Variants in RNF220 observed in about 807,000 individuals in gnomAD.
RNF220 encodes the protein ring finger protein 220, also known as E3 ubiquitin-protein ligase RNF220.
In RNF220, 7 loss-of-function variants were observed where a neutral mutation model predicts 67.1. That is an observed-to-expected ratio of 0.10 (90% CI 0.06 to 0.20). The LOEUF (loss-of-function observed/expected upper bound fraction) is 0.20. Ranked by LOEUF, RNF220 falls within the 10% of genes least tolerant of loss-of-function variation. The pLI, the probability that RNF220 is intolerant of heterozygous loss-of-function variation, is 1.00. For missense variants in RNF220, 565 were observed against 740.3 expected (o/e 0.76, Z 2.75); for synonymous variants, 270 against 283.2 (o/e 0.95, Z 0.47).
intron 2 of RNF220, among the ~76,000 whole-genome samples, chr1:44,499,704 G>A (rs79004982): frequency 0.03 from 4,501 of 148,800 alleles, 113 homozygotes; most frequent in Admixed American, 0.073. Flanking sequence ...TATATCTCTA[G>A]CCTAGACCTC....
At chr1:44,409,280 C>A (rs1052080310) in intron 1 of RNF220, among the ~76,000 whole-genome samples, 3 of 152,202 alleles carry the variant, frequency 2.0e-5, no homozygotes, top group African/African-American at 7.2e-5. Context: ...TTTGTTGGTC[C>A]CTCCGTCCAA....
chr1:44,549,504 A>G (rs1249836803), intron 2 of RNF220, among the ~76,000 whole-genome samples: 1 of 152,190 alleles, frequency 6.6e-6, no homozygotes, highest in Non-Finnish European at 1.5e-5. Context: ...TGTTTCCAAC[A>G]GTAAGAGGTG....
At chr1:44,534,824 G>A (rs562858391) in intron 2 of RNF220, among the ~76,000 whole-genome samples, 3 of 152,280 alleles carry the variant, frequency 2.0e-5, no homozygotes, top group South Asian at 2.1e-4. Context: ...AAATCATTAC[G>A]TCTCTAGTCA....
intron 2 of RNF220, among the ~76,000 whole-genome samples, chr1:44,597,659 G>A (rs181909210): frequency 7.9e-5 from 12 of 151,792 alleles, no homozygotes; most frequent in African/African-American, 1.9e-4. Context: ...CGTTTCTCAC[G>A]AATGTCTCCC....
intron 5 of RNF220, among the ~76,000 whole-genome samples, chr1:44,628,654 C>CTGTCCA (rs1342603465): frequency 1.3e-5 from 2 of 152,242 alleles, no homozygotes; most frequent in Non-Finnish European, 2.9e-5. Context: ...ATTCCAAATA[C>CTGTCCA]TGTCCATGAA....
rs1313934788 is a variant in RNF220, at chr1:44,405,256, T to C, written c.-392T>C. ...GAGTCCCTGGGAGAGTGGAGGCTCA[T>C]TCACTGATTAGATCCAGCGCTGAGA... On this transcript the variant is annotated 5_prime_UTR_variant, in exon 1 of 15. Transcript: ENST00000361799. 1 of 383,158 alleles carries C rather than the reference T, an allele frequency of 2.6e-6. No individual in the cohort carries two copies. The highest frequency in any genetic ancestry group is 4.7e-6 in the Non-Finnish European group (1 of 213,940). The allele number at this position is 383,158 out of a possible 1,614,324, so 23.7% of individuals were successfully genotyped here.
At chr1:44,425,186 G>A (rs1351141267) in intron 2 of RNF220, among the ~76,000 whole-genome samples, 1 of 152,136 alleles carries the variant, frequency 6.6e-6, no homozygotes, top group East Asian at 1.9e-4. Flanking sequence ...GGGGTTTTGG[G>A]TACCTGCACA....
chr1:44,540,873 T>C (rs903520646), intron 2 of RNF220, among the ~76,000 whole-genome samples: 1 of 152,116 alleles, frequency 6.6e-6, no homozygotes, highest in Non-Finnish European at 1.5e-5. Flanking sequence ...CAGGTCTCCC[T>C]GGTGTGCAGG....
chr1:44,546,679 G>A (rs759872327), intron 2 of RNF220, among the ~76,000 whole-genome samples: 9 of 152,070 alleles, frequency 5.9e-5, no homozygotes, highest in Non-Finnish European at 1.2e-4. Flanking sequence ...TTGATGCACC[G>A]AGCTCTGGCT....
At chr1:44,415,504 T>TATACAC (rs1553211733) in intron 2 of RNF220, among the ~76,000 whole-genome samples, 21 of 150,962 alleles carry the variant, frequency 1.4e-4, no homozygotes, top group African/African-American at 3.6e-4. Context: ...ATGGTTGATA[T>TATACAC]ACACACACAC....
chr1:44,476,688 T>A (rs1475941245), intron 2 of RNF220, among the ~76,000 whole-genome samples: 1 of 152,184 alleles, frequency 6.6e-6, no homozygotes, highest in African/African-American at 2.4e-5. Context: ...AGGCAGATGT[T>A]AGAGTCACTG....
At chr1:44,535,251 C>T (rs952857845) in intron 2 of RNF220, among the ~76,000 whole-genome samples, 6 of 151,432 alleles carry the variant, frequency 4.0e-5, no homozygotes, top group African/African-American at 1.2e-4. Flanking sequence ...AGCGATTCTC[C>T]TGTCTCACCC....
chr1:44,549,952 C>T (rs1229392903), intron 2 of RNF220, among the ~76,000 whole-genome samples: 3 of 152,188 alleles, frequency 2.0e-5, no homozygotes, highest in African/African-American at 7.2e-5. Flanking sequence ...TGTCCTGTCT[C>T]CAAAAAGTGA....
chr1:44,464,519 C>G (rs1252729589), intron 2 of RNF220, among the ~76,000 whole-genome samples: 3 of 152,212 alleles, frequency 2.0e-5, no homozygotes, highest in East Asian at 3.8e-4. Context: ...GTAGGAATGT[C>G]ACTTCATCCT....
chr1:44,466,394 C>T (rs1654277600), intron 2 of RNF220, among the ~76,000 whole-genome samples: 1 of 152,170 alleles, frequency 6.6e-6, no homozygotes, highest in South Asian at 2.1e-4. Flanking sequence ...TTAACTTCTT[C>T]CAAATTCTTG....
At chr1:44,589,110 C>T (rs1572968379) in intron 2 of RNF220, among the ~76,000 whole-genome samples, 1 of 152,202 alleles carries the variant, frequency 6.6e-6, no homozygotes, top group African/African-American at 2.4e-5. Flanking sequence ...ACTTTAAACC[C>T]ACTGGTCAGA....
intron 2 of RNF220, among the ~76,000 whole-genome samples, chr1:44,515,946 G>A (rs925731468): frequency 9.9e-5 from 15 of 152,190 alleles, no homozygotes; most frequent in Non-Finnish European, 2.1e-4. Context: ...AGGTGCCTCT[G>A]GGTATCACTT....
At chr1:44,596,106 G>A (rs1484861381) in intron 2 of RNF220, among the ~76,000 whole-genome samples, 1 of 152,150 alleles carries the variant, frequency 6.6e-6, no homozygotes, top group Non-Finnish European at 1.5e-5. Context: ...TGACTCTTCT[G>A]GAAATGGACT....
At chr1:44,541,460 G>T (rs936614378) in intron 2 of RNF220, among the ~76,000 whole-genome samples, 4 of 152,214 alleles carry the variant, frequency 2.6e-5, no homozygotes, top group African/African-American at 9.6e-5. Context: ...AAGTCACACA[G>T]CTAGTAACTG....
Sources: allele counts gnomAD v4.1 joint callset (sites outside exome capture counted in the v4.1 genomes callset), GRCh38; gene constraint gnomAD v4.1.1; transcripts MANE v1.5; gene names NCBI Gene and HGNC (gene_info 2026-07-23, HGNC 2026-07-21).